FHIT: variants seen among roughly 807,000 people sequenced by gnomAD.
The protein encoded by FHIT is fragile histidine triad diadenosine triphosphatase.
FHIT carries 19 observed loss-of-function variants against 17.9 expected under a neutral mutation model. The observed-to-expected ratio is 1.06, with a 90% CI of 0.74 to 1.56. The LOEUF (loss-of-function observed/expected upper bound fraction) is 1.56. Among genes scored for constraint, FHIT ranks in the 40% most tolerant of loss-of-function variants. The pLI is 0.00. For synonymous variants in FHIT, 81 were observed against 69.7 expected (o/e 1.16, Z -0.81); for missense variants, 248 against 189.2 (o/e 1.31, Z -1.82).
At chr3:60,538,096 T>C (rs2036052641) in intron 4 of FHIT, among the ~76,000 whole-genome samples, 1 of 152,104 alleles carries the variant, frequency 6.6e-6, no homozygotes, top group East Asian at 1.9e-4. Context: ...CTAGGTAGCT[T>C]CAGGATGGGG....
At chr3:60,755,930 A>C (rs79957300) in intron 4 of FHIT, among the ~76,000 whole-genome samples, 3,455 of 152,306 alleles carry the variant, frequency 0.023, 40 homozygotes, top group South Asian at 0.046. Flanking sequence ...ATGCATTAGA[A>C]ACTGAGTATT....
At chr3:60,532,995 G>A (rs534311651) in intron 5 of FHIT, among the ~76,000 whole-genome samples, 50 of 152,218 alleles carry the variant, frequency 3.3e-4, no homozygotes, top group African/African-American at 1.1e-3. Flanking sequence ...AAAATAAAAT[G>A]TTCCATTTTA....
At chr3:59,951,250 T>G (rs1265124141) in intron 7 of FHIT, among the ~76,000 whole-genome samples, 3 of 152,086 alleles carry the variant, frequency 2.0e-5, no homozygotes, top group Non-Finnish European at 4.4e-5. Flanking sequence ...TGAACCCACC[T>G]GGGTTCTGTG....
intron 7 of FHIT, among the ~76,000 whole-genome samples, chr3:59,991,824 G>C (rs2107474049): frequency 6.6e-6 from 1 of 152,032 alleles, no homozygotes; most frequent in East Asian, 1.9e-4. Context: ...GCTCATGCCA[G>C]TCCCTTTGCA....
rs1167480123 is a variant in FHIT, at chr3:60,250,470, T to C, written c.104-236318A>G. Among the ~76,000 whole-genome samples the C allele has an allele frequency of 2.0e-5, 3 of 152,168 alleles. No homozygotes were observed. In the East Asian group the frequency reaches 5.8e-4, roughly 29 times the overall value. Reference sequence around the variant, plus strand: ...CGGCCAGAAAAGTACAAAACATCTGTTGAAGTCATGGGTGACTTGTTAGCA... The same window carrying C: ...CGGCCAGAAAAGTACAAAACATCTGCTGAAGTCATGGGTGACTTGTTAGCA... On this transcript the variant is annotated intron_variant, in intron 5 of 9. Coordinates refer to ENST00000492590, the MANE Select transcript of FHIT (RefSeq NM_002012.4).
At chr3:59,752,989 C>G (rs547620598) in intron 8 of FHIT, among the ~76,000 whole-genome samples, 2 of 152,274 alleles carry the variant, frequency 1.3e-5, no homozygotes, top group South Asian at 2.1e-4. Context: ...TTCCCAGAAT[C>G]TCCCCCACAC....
intron 5 of FHIT, among the ~76,000 whole-genome samples, chr3:60,068,233 T>C (rs1372885426): frequency 1.3e-5 from 2 of 151,992 alleles, no homozygotes; most frequent in Non-Finnish European, 2.9e-5. Flanking sequence ...AGACTCTGCC[T>C]CAAAAAAAAC....
At chr3:59,985,198 G>C (rs1490970063) in intron 7 of FHIT, among the ~76,000 whole-genome samples, 4 of 152,106 alleles carry the variant, frequency 2.6e-5, no homozygotes, top group Non-Finnish European at 5.9e-5. Context: ...TTGCCCATCT[G>C]GGGATTGAAC....
chr3:59,753,587 C>CACAAA (rs1701038485), intron 8 of FHIT, among the ~76,000 whole-genome samples: 1 of 152,198 alleles, frequency 6.6e-6, no homozygotes, highest in African/African-American at 2.4e-5. Flanking sequence ...CATGGGAATG[C>CACAAA]ACAGTGTAGT....
chr3:59,757,387 T>C (rs558095631), intron 8 of FHIT, among the ~76,000 whole-genome samples: 3 of 152,330 alleles, frequency 2.0e-5, no homozygotes, highest in East Asian at 3.9e-4. Context: ...GGGAAGGTAG[T>C]GTTAACAGGA....
chr3:60,422,599 T>C (rs1275113667), intron 5 of FHIT, among the ~76,000 whole-genome samples: 1 of 152,128 alleles, frequency 6.6e-6, no homozygotes, highest in Non-Finnish European at 1.5e-5. Context: ...AAAAAGACAG[T>C]TGCAGTAACT....
At chr3:60,592,214 CTATA>C (rs1405941157) in intron 4 of FHIT, among the ~76,000 whole-genome samples, 1 of 144,380 alleles carries the variant, frequency 6.9e-6, no homozygotes, top group Non-Finnish European at 1.5e-5. Context: ...TATGTAACCT[CTATA>C]TATATATATA....
At chr3:60,976,887 T>C (rs528717908) in intron 3 of FHIT, among the ~76,000 whole-genome samples, 8 of 152,294 alleles carry the variant, frequency 5.3e-5, no homozygotes, top group Middle Eastern at 3.4e-3. Context: ...ACTTGTTTTT[T>C]TTTTTTTATT....
chr3:60,389,902 C>T lies in FHIT; in HGVS notation c.103+146958G>A, dbSNP rs143266553. On this transcript the variant is annotated intron_variant, in intron 5 of 9. Coordinates refer to ENST00000492590, the MANE Select transcript of FHIT (RefSeq NM_002012.4). The stretch of plus-strand genomic sequence containing the variant: ...ATTTTTCCCTCTTACTGAAGTCAAG[C>T]ACTACACAAGTTCATGGGGACTTAG... Among the ~76,000 whole-genome samples, 44 of 152,256 alleles carry T rather than the reference C, an allele frequency of 2.9e-4. No individual in the cohort carries two copies. The East Asian group carries it at 5.4e-3, about 19-fold the overall frequency.
At chr3:61,215,014 A>C (rs1377472504) in intron 1 of FHIT, among the ~76,000 whole-genome samples, 1 of 151,526 alleles carries the variant, frequency 6.6e-6, no homozygotes, top group Admixed American at 6.6e-5. Flanking sequence ...ATCTCAAAAT[A>C]ATAAGAGCTA....
intron 8 of FHIT, among the ~76,000 whole-genome samples, chr3:59,794,099 C>T (rs1699679248): frequency 1.3e-5 from 2 of 152,118 alleles, no homozygotes; most frequent in South Asian, 4.1e-4. Flanking sequence ...GCCTTATCCT[C>T]CTCATCATAC....
intron 5 of FHIT, among the ~76,000 whole-genome samples, chr3:60,447,749 G>T (rs1284411157): frequency 6.6e-6 from 1 of 152,168 alleles, no homozygotes; most frequent in East Asian, 1.9e-4. Context: ...TCCTGCAGCT[G>T]CCAGTAATAA....
At position 60,227,015 on chromosome 3, in the gene FHIT, A is replaced by C. The variant is rs149446689; in HGVS notation, c.104-212863T>G. On this transcript the variant is annotated intron_variant, in intron 5 of 9. Transcript: ENST00000492590. ...TCTCAATAAACTAGCAGTTAGGATGATGGGAAAATCTACAAGGGCTCAGAG... is the reference window on the plus strand; with the variant it reads ...TCTCAATAAACTAGCAGTTAGGATGCTGGGAAAATCTACAAGGGCTCAGAG... Among the ~76,000 whole-genome samples the C allele has an allele frequency of 3.5e-4, 53 of 152,318 alleles. No individual in the cohort carries two copies. In the East Asian group the frequency reaches 9.5e-3, roughly 27 times the overall value.
At chr3:60,061,217 A>G (rs1702281075) in intron 5 of FHIT, among the ~76,000 whole-genome samples, 1 of 152,244 alleles carries the variant, frequency 6.6e-6, no homozygotes, top group African/African-American at 2.4e-5. Flanking sequence ...TTAAGAGAGC[A>G]GATCCATAGG....
Sources: allele counts gnomAD v4.1 joint callset (sites outside exome capture counted in the v4.1 genomes callset), GRCh38; gene constraint gnomAD v4.1.1; transcripts MANE v1.5; gene names NCBI Gene and HGNC (gene_info 2026-07-23, HGNC 2026-07-21).